The following SLIT2 variants were observed in gnomAD, a reference collection of about 807,000 sequenced individuals.
SLIT2 encodes slit guidance ligand 2.
SLIT2 carries 41 observed loss-of-function variants against 185.7 expected under a neutral mutation model. The ratio of observed to expected loss-of-function variants is 0.22; its 90% CI spans 0.17 to 0.29. The LOEUF (loss-of-function observed/expected upper bound fraction) is 0.29. Among genes scored for constraint, SLIT2 ranks in the 10% least tolerant of loss-of-function variants. SLIT2 has a pLI of 1.00. For synonymous variants in SLIT2, 693 were observed against 680.2 expected, an observed-to-expected ratio of 1.02 and a Z score of -0.29; for missense variants, 1,571 against 1,909.0, an observed-to-expected ratio of 0.82 and a Z score of 3.30.
chr4:20,497,911 C>T (rs180949882), intron 9 of SLIT2, among the ~76,000 whole-genome samples: 4 of 152,214 alleles, frequency 2.6e-5, no homozygotes, highest in African/African-American at 9.6e-5. Context: ...TGCTGGATCA[C>T]GCCTGTAATC....
chr4:20,372,994 T>C (rs1215875741), intron 4 of SLIT2, among the ~76,000 whole-genome samples: 2 of 152,108 alleles, frequency 1.3e-5, no homozygotes, highest in Non-Finnish European at 2.9e-5. Flanking sequence ...TATTTTCTCA[T>C]TACCTACTCA....
intron 4 of SLIT2, among the ~76,000 whole-genome samples, chr4:20,340,025 A>G (rs553347567): frequency 4.0e-4 from 61 of 152,232 alleles, no homozygotes; most frequent in Non-Finnish European, 6.3e-4. Context: ...TTTCCCATCA[A>G]TCTTGCCTTC....
intron 4 of SLIT2, among the ~76,000 whole-genome samples, chr4:20,378,396 T>G (rs1399312219): frequency 6.6e-6 from 1 of 152,178 alleles, no homozygotes; most frequent in Non-Finnish European, 1.5e-5. Flanking sequence ...GCTTTACTAG[T>G]AAATGACTAT....
At chr4:20,440,903 G>A (rs951160914) in intron 4 of SLIT2, among the ~76,000 whole-genome samples, 1 of 152,092 alleles carries the variant, frequency 6.6e-6, no homozygotes, top group Admixed American at 6.5e-5. Flanking sequence ...CTGATGACCA[G>A]GCCTTTACAA....
intron 5 of SLIT2, among the ~76,000 whole-genome samples, chr4:20,468,446 G>T (rs1419206411): frequency 2.0e-5 from 3 of 151,926 alleles, no homozygotes; most frequent in African/African-American, 4.8e-5. Context: ...CCTCATGAAA[G>T]AATGTATTTA....
intron 18 of SLIT2, among the ~76,000 whole-genome samples, chr4:20,534,213 A>G (rs1722064616): frequency 1.3e-5 from 2 of 152,180 alleles, no homozygotes; most frequent in Non-Finnish European, 2.9e-5. Context: ...GAATCTCTGC[A>G]GTAGAATAAT....
intron 33 of SLIT2, among the ~76,000 whole-genome samples, chr4:20,603,217 A>C (rs1728541431): frequency 1.3e-5 from 2 of 152,170 alleles, no homozygotes; most frequent in African/African-American, 4.8e-5. Context: ...GAAAGGGGAA[A>C]ACTCCAGTAA....
chr4:20,497,260 G>T (rs1157689152), intron 9 of SLIT2, among the ~76,000 whole-genome samples: 2 of 61,836 alleles, frequency 3.2e-5, no homozygotes, highest in Non-Finnish European at 6.0e-5. Context: ...AAAAAAACTT[G>T]GGAAAAAAAA....
At chr4:20,320,129 A>T (rs1016308622) in intron 4 of SLIT2, among the ~76,000 whole-genome samples, 1 of 152,196 alleles carries the variant, frequency 6.6e-6, no homozygotes, top group Non-Finnish European at 1.5e-5. Flanking sequence ...AGTCAGGCTG[A>T]TATTAGGGGA....
intron 4 of SLIT2, among the ~76,000 whole-genome samples, chr4:20,306,484 T>A (rs1221960620): frequency 6.6e-6 from 1 of 152,278 alleles, no homozygotes; most frequent in South Asian, 2.1e-4. Context: ...TTTTGTATAA[T>A]TTGGCTTGAA....
rs185396373 is a variant in SLIT2 at position 20,252,134 on chromosome 4, C to G, written c.-1682C>G. Among the ~76,000 whole-genome samples the G allele has an allele frequency of 2.0e-5, 3 of 150,870 alleles. No individual in the cohort carries two copies. The South Asian group carries it at 6.3e-4, about 32-fold the overall frequency. On this transcript the variant is annotated 5_prime_UTR_variant, in exon 1 of 37. Transcript: ENST00000504154. ...AGCAGAAAGGGGAGCGCCGGGGGCC[C>G]GCAGCCGGCTCCGGAGGCGCGGGCC...
intron 9 of SLIT2, among the ~76,000 whole-genome samples, chr4:20,509,586 G>A (rs114914512): frequency 6.6e-6 from 1 of 152,120 alleles, no homozygotes; most frequent in Non-Finnish European, 1.5e-5. Context: ...GTTCACTGGA[G>A]TCAGCTCTTT....
At chr4:20,316,484 C>G (rs1028115428) in intron 4 of SLIT2, among the ~76,000 whole-genome samples, 1 of 151,798 alleles carries the variant, frequency 6.6e-6, no homozygotes, top group African/African-American at 2.4e-5. Context: ...CTTGTTGGAT[C>G]CCAGTATATT....
Position 20,559,347 on chromosome 4 carries a change from G to C in SLIT2, c.2725+5379G>C, listed in dbSNP as rs114298811. On this transcript the variant is annotated intron_variant, in intron 26 of 36. Coordinates refer to ENST00000504154, the MANE Select transcript of SLIT2 (RefSeq NM_004787.4). Reference sequence around the variant, plus strand: ...AGACATTCAAGACTCAATCAATATAGTTGCAGTTGCGTTTAGAAGACTTAA... The same window carrying C: ...AGACATTCAAGACTCAATCAATATACTTGCAGTTGCGTTTAGAAGACTTAA... Among the ~76,000 whole-genome samples, 252 of 152,062 alleles carry C rather than the reference G, an allele frequency of 1.7e-3. 6 individuals carry two copies. The highest frequency in any genetic ancestry group is 5.7e-3 in the African/African-American group (237 of 41,446).
chr4:20,431,109 T>C (rs1728940406), intron 4 of SLIT2, among the ~76,000 whole-genome samples: 1 of 152,236 alleles, frequency 6.6e-6, no homozygotes. Context: ...GTAATATTTT[T>C]CTCAGGCCCC....
chr4:20,550,141 C>A (rs888295010), intron 24 of SLIT2, among the ~76,000 whole-genome samples: 1 of 151,986 alleles, frequency 6.6e-6, no homozygotes, highest in Non-Finnish European at 1.5e-5. Flanking sequence ...ATTATTTATT[C>A]TTTTATTTTT....
Position 20,541,445 on chromosome 4 carries a change from G to A in SLIT2, c.1977-8G>A. On this transcript the variant is annotated splice_region_variant and splice_polypyrimidine_tract_variant and intron_variant, in intron 19 of 36. Coordinates refer to ENST00000504154, the MANE Select transcript of SLIT2 (RefSeq NM_004787.4). Reference sequence around the variant, plus strand: ...CTAAACTGTGCATCGTTTGCCTGTGGCTCTTAGAAACCTCTTGGCCAATCC... The same window carrying A: ...CTAAACTGTGCATCGTTTGCCTGTGACTCTTAGAAACCTCTTGGCCAATCC... 3 of 1,613,566 alleles carry A rather than the reference G, an allele frequency of 1.9e-6. No homozygotes were observed. Among genetic ancestry groups the A allele is most frequent in the Non-Finnish European group, 8.5e-7 (1 of 1,179,638 alleles).
chr4:20,288,774 A>G (rs910573681), intron 4 of SLIT2, among the ~76,000 whole-genome samples: 7 of 152,128 alleles, frequency 4.6e-5, no homozygotes, highest in African/African-American at 1.7e-4. Flanking sequence ...CTCCCTCTTC[A>G]TTTCTCCAGC....
intron 11 of SLIT2, among the ~76,000 whole-genome samples, chr4:20,517,932 A>G (rs1382418220): frequency 6.6e-6 from 1 of 151,804 alleles, no homozygotes; most frequent in African/African-American, 2.4e-5. Flanking sequence ...CCAAAAGAAT[A>G]TATCTCTGAT....
Sources: allele counts gnomAD v4.1 joint callset (sites outside exome capture counted in the v4.1 genomes callset), GRCh38; gene constraint gnomAD v4.1.1; transcripts MANE v1.5; gene names NCBI Gene and HGNC (gene_info 2026-07-23, HGNC 2026-07-21).